The following DDX60L variants were observed in gnomAD, a reference collection of about 807,000 sequenced individuals.
DDX60L encodes the protein DExD/H-box 60 like.
In DDX60L, 191 loss-of-function variants were observed where a neutral mutation model predicts 211.6. The observed-to-expected ratio is 0.90, with a 90% CI of 0.80 to 1.02. The LOEUF is 1.02. Ranked by LOEUF, DDX60L falls within the 50% of genes least tolerant of loss-of-function variation. The pLI is 0.00. For synonymous variants in DDX60L, 706 were observed against 694.1 expected (o/e 1.02, Z -0.27); for missense variants, 2,007 against 1,984.1 (o/e 1.01, Z -0.22).
intron 36 of DDX60L, among the ~76,000 whole-genome samples, chr4:168,367,210 C>T (rs1255227004): frequency 1.3e-5 from 2 of 152,128 alleles, no homozygotes; most frequent in Admixed American, 6.5e-5. Context: ...TGTCTCCACA[C>T]AAATCTCATC....
intron 9 of DDX60L, among the ~76,000 whole-genome samples, chr4:168,445,944 G>A (rs1754718799): frequency 7.8e-6 from 1 of 127,450 alleles, no homozygotes; most frequent in Non-Finnish European, 1.7e-5. Context: ...GCAAAAACTG[G>A]AAGCATTCCC....
chr4:168,401,434 T>G (rs1004274905), intron 25 of DDX60L, among the ~76,000 whole-genome samples: 1 of 152,262 alleles, frequency 6.6e-6, no homozygotes, highest in South Asian at 2.1e-4. Flanking sequence ...AAGGTATATG[T>G]TAAATGTATT....
chr4:168,460,944 C>T (rs1293849989), intron 5 of DDX60L, among the ~76,000 whole-genome samples: 1 of 152,174 alleles, frequency 6.6e-6, no homozygotes, highest in Non-Finnish European at 1.5e-5. Flanking sequence ...AACTGTGGAA[C>T]AGCCAGATGG....
In DDX60L at chr4:168,442,847, A is replaced by G. The variant is rs1270019059; in HGVS notation, c.1139-1355T>C. On this transcript the variant is annotated intron_variant, in intron 9 of 37. Transcript: ENST00000682922. Reference sequence around the variant, plus strand: ...TGTTAGAAGGAAAACTAACAAACAGAAAGGACATCCACACCAAAAACCCAT... The same window carrying G: ...TGTTAGAAGGAAAACTAACAAACAGGAAGGACATCCACACCAAAAACCCAT... Among the ~76,000 whole-genome samples, 481 of 151,508 alleles carry G rather than the reference A, an allele frequency of 3.2e-3. 2 individuals are homozygous for G. Among genetic ancestry groups the G allele is most frequent in the African/African-American group, 0.011 (459 of 41,298 alleles).
At chr4:168,379,923 T>C in intron 30 of DDX60L, 93 bp from the exon 31 acceptor site, 1 of 788,114 alleles carries the variant, frequency 1.3e-6, no homozygotes, top group Non-Finnish European at 2.0e-6. Context: ...ACTATATAGA[T>C]AAGGTTACCA....
chr4:168,399,455 G>T (rs1212202680), intron 26 of DDX60L, among the ~76,000 whole-genome samples: 1 of 152,200 alleles, frequency 6.6e-6, no homozygotes, highest in Non-Finnish European at 1.5e-5. Context: ...GCCTGGAGCT[G>T]CCCACCCCTC....
chr4:168,465,231 C>A (rs1293378201), intron 4 of DDX60L, among the ~76,000 whole-genome samples: 1 of 151,586 alleles, frequency 6.6e-6, no homozygotes, highest in Non-Finnish European at 1.5e-5. Context: ...ATTTGCATTT[C>A]TCCGATGATT....
intron 27 of DDX60L, chr4:168,395,689 T>C (rs1579356814): frequency 3.5e-6 from 1 of 285,530 alleles, no homozygotes; most frequent in Non-Finnish European, 6.4e-6. Context: ...CATATTGAAT[T>C]GAATTCTAGA....
chr4:168,477,304 A>C (rs1475149353), intron 1 of DDX60L, among the ~76,000 whole-genome samples: 2 of 151,874 alleles, frequency 1.3e-5, no homozygotes, highest in Non-Finnish European at 2.9e-5. Context: ...AGTCCCGGCT[A>C]CTCAGGAGGC....
At chr4:168,403,774 T>C (rs889847319) in intron 25 of DDX60L, among the ~76,000 whole-genome samples, 1 of 152,058 alleles carries the variant, frequency 6.6e-6, no homozygotes, top group Admixed American at 6.5e-5. Context: ...AGTAAGAGGG[T>C]AATAAGATGA....
chr4:168,379,927 G>C, intron 30 of DDX60L, 97 bp from the exon 31 acceptor site: 1 of 736,548 alleles, frequency 1.4e-6, no homozygotes, highest in Admixed American at 3.4e-5. Context: ...TATAGATAAG[G>C]TTACCAGATC....
At chr4:168,436,891 C>T (rs1206928106) in intron 10 of DDX60L, among the ~76,000 whole-genome samples, 2 of 152,128 alleles carry the variant, frequency 1.3e-5, no homozygotes, top group Non-Finnish European at 2.9e-5. Flanking sequence ...AATCAACAGG[C>T]AAAGGAAAGG....
chr4:168,433,799 G>T (rs1752677517), intron 10 of DDX60L, among the ~76,000 whole-genome samples: 1 of 152,030 alleles, frequency 6.6e-6, no homozygotes, highest in Admixed American at 6.6e-5. Context: ...CCTTCTTCCT[G>T]AATTGTATCA....
intron 30 of DDX60L, 78 bp from the exon 31 acceptor site, chr4:168,379,908 T>C (rs1489232): frequency 0.93 from 893,011 of 962,084 alleles, 418,779 homozygotes; most frequent in East Asian, 1. Flanking sequence ...ATAGTACACA[T>C]ACATACTATA....
chr4:168,364,719 A>G (rs1266802474), intron 36 of DDX60L, among the ~76,000 whole-genome samples: 1 of 152,200 alleles, frequency 6.6e-6, no homozygotes, highest in Non-Finnish European at 1.5e-5. Context: ...CAGCTTCAGA[A>G]TGCACATTTT....
At chr4:168,442,037 T>C (rs1469704389) in intron 9 of DDX60L, among the ~76,000 whole-genome samples, 1 of 152,130 alleles carries the variant, frequency 6.6e-6, no homozygotes, top group South Asian at 2.1e-4. Context: ...GGTCTACAGC[T>C]CCCAGCGTGA....
rs367548380 is a variant in DDX60L at position 168,461,885 on chromosome 4, C to T, written c.420G>A (p.Pro140=). The T allele has an allele frequency of 3.1e-5, 50 of 1,611,174 alleles. No individual in the cohort carries two copies. Among genetic ancestry groups the T allele is most frequent in the Non-Finnish European group, 3.9e-5 (46 of 1,178,538 alleles). ...CTTCCTCTGAAACTATCAGAAAATA[C>T]GGGTAATGCTGTTCCAAGAATAACT... ...DWKLFLEQHY[P]YFLIVSEEGL... Residue 140 remains proline, a synonymous_variant, in exon 5 of 38, where the codon CCG becomes CCA. Coordinates refer to ENST00000682922, the MANE Select transcript of DDX60L (RefSeq NM_001012967.3).
chr4:168,382,659 G>A (rs1004791714), intron 30 of DDX60L, among the ~76,000 whole-genome samples: 1 of 151,862 alleles, frequency 6.6e-6, no homozygotes, highest in African/African-American at 2.4e-5. Flanking sequence ...GGCAAATGCT[G>A]ACAACATAAC....
intron 29 of DDX60L, chr4:168,390,115 A>G (rs62334111): frequency 0.01 from 10,300 of 984,258 alleles, 55 homozygotes; most frequent in Middle Eastern, 0.026. Flanking sequence ...GAGAAAGTAT[A>G]TTTTATTCTG....
Sources: allele counts gnomAD v4.1 joint callset (sites outside exome capture counted in the v4.1 genomes callset), GRCh38; gene constraint gnomAD v4.1.1; transcripts MANE v1.5; gene names NCBI Gene and HGNC (gene_info 2026-07-23, HGNC 2026-07-21).